RICTOR: variants seen among roughly 807,000 people sequenced by gnomAD.
RICTOR encodes RPTOR independent companion of MTOR complex 2, also known as rapamycin-insensitive companion of mTOR.
RICTOR carries 49 observed loss-of-function variants against 214.9 expected under a neutral mutation model. The ratio of observed to expected loss-of-function variants is 0.23; its 90% CI spans 0.18 to 0.29. RICTOR has a LOEUF of 0.29. RICTOR is among the 10% of genes least tolerant of loss of function. The pLI, the probability that RICTOR is intolerant of heterozygous loss-of-function variation, is 1.00. For synonymous variants in RICTOR, 717 were observed against 711.3 expected, an observed-to-expected ratio of 1.01 and a Z score of -0.13; for missense variants, 1,625 against 2,047.0, an observed-to-expected ratio of 0.79 and a Z score of 3.98.
chr5:39,054,754 A>C (rs1360561138), intron 2 of RICTOR, among the ~76,000 whole-genome samples: 2 of 152,194 alleles, frequency 1.3e-5, no homozygotes, highest in African/African-American at 4.8e-5. Context: ...AGAATACTCT[A>C]TGTTATATAC....
chr5:38,987,627 G>A (rs769121791), intron 7 of RICTOR, among the ~76,000 whole-genome samples: 4 of 151,610 alleles, frequency 2.6e-5, no homozygotes, highest in South Asian at 2.1e-4. Context: ...TCTGGCTAGC[G>A]GTCTATTTTG....
At chr5:39,011,076 C>CT (rs1210649387) in intron 3 of RICTOR, among the ~76,000 whole-genome samples, 27 of 152,156 alleles carry the variant, frequency 1.8e-4, no homozygotes, top group African/African-American at 6.5e-4. Context: ...CCCCTCCCAT[C>CT]ACAGGCCCAG....
chr5:39,033,794 A>T (rs556188664), intron 2 of RICTOR, among the ~76,000 whole-genome samples: 1 of 152,296 alleles, frequency 6.6e-6, no homozygotes, highest in South Asian at 2.1e-4. Context: ...CATGCAACTT[A>T]ACCATATAAC....
intron 7 of RICTOR, among the ~76,000 whole-genome samples, chr5:38,986,466 G>A (rs1011618668): frequency 6.6e-6 from 1 of 152,106 alleles, no homozygotes; most frequent in Non-Finnish European, 1.5e-5. Flanking sequence ...CTGGAATTTA[G>A]ACAATTCCTA....
At position 38,980,761 on chromosome 5, in the gene RICTOR, G is replaced by A. The variant is rs117231108; in HGVS notation, c.753+1106C>T. 7.0e-3 allele frequency: 1,059 copies of A among 152,280 alleles called. 53 individuals carry two copies. In the East Asian group the frequency reaches 0.12, roughly 18 times the overall value. 9.4% of individuals were successfully genotyped at this position (152,280 alleles called of 1,614,324 possible). A position where few individuals can be genotyped will look rare whatever the true frequency, so the allele number is the denominator to read the frequency against. On this transcript the variant is annotated intron_variant, in intron 8 of 37. Transcript: ENST00000357387. Reference sequence around the variant, plus strand: ...CTCAGGAGGTTGACATGGAAGGATCGATTGAGTGCGGGAGGTCCAGGCTGC... The same window carrying A: ...CTCAGGAGGTTGACATGGAAGGATCAATTGAGTGCGGGAGGTCCAGGCTGC...
intron 7 of RICTOR, among the ~76,000 whole-genome samples, chr5:38,982,337 T>G (rs915562734): frequency 8.5e-5 from 13 of 152,196 alleles, no homozygotes; most frequent in Non-Finnish European, 1.0e-4. Context: ...TATTAGCCAT[T>G]TATCTGTCTC....
In RICTOR at chr5:38,940,839, C is replaced by G. The variant is rs1380208574; in HGVS notation, c.*1465G>C. 4.3e-6 allele frequency: 1 copy of G among 231,934 alleles called. No individual in the cohort carries two copies. The allele number at this position is 231,934 out of a possible 1,614,324, so 14.4% of individuals were successfully genotyped here. Reference sequence around the variant, plus strand: ...GGTTCTTTACAGAGATCTCAAAGAACAAGCCCATTACAAAAAGGATCTGCA... The same window carrying G: ...GGTTCTTTACAGAGATCTCAAAGAAGAAGCCCATTACAAAAAGGATCTGCA... On this transcript the variant is annotated 3_prime_UTR_variant, in exon 38 of 38. Transcript: ENST00000357387.
intron 33 of RICTOR, 118 bp from the exon 34 acceptor site, chr5:38,945,842 G>A: frequency 9.5e-6 from 5 of 526,708 alleles, no homozygotes; most frequent in South Asian, 3.4e-5. Context: ...AATCTAACTG[G>A]AAAGAAAAAA....
chr5:38,974,944 G>A (rs1346965853), intron 10 of RICTOR, among the ~76,000 whole-genome samples: 1 of 152,178 alleles, frequency 6.6e-6, no homozygotes. Context: ...CAAGAAGGAA[G>A]AAGATAATCA....
chr5:38,975,549 G>A lies in RICTOR; in HGVS notation c.877C>T (p.Arg293Ter), dbSNP rs574846919. ...ASKMGIIATF[R>*]SWAGIINLCK... ...TAGAGTAACCTACCTGCCCATGATCGGAATGTTGCTATGATTCCCATTTTA... is the reference window on the plus strand; with the variant it reads ...TAGAGTAACCTACCTGCCCATGATCAGAATGTTGCTATGATTCCCATTTTA... Residue 293 changes from arginine (R) to a stop codon, truncating the protein, a stop_gained, in exon 10 of 38, where the codon CGA (arginine) becomes TGA (stop). Transcript: ENST00000357387. LOFTEE classifies it high-confidence loss of function. The A allele has an allele frequency of 1.2e-6, 2 of 1,612,686 alleles. No homozygotes were observed. The highest frequency in any genetic ancestry group is 8.5e-7 in the Non-Finnish European group (1 of 1,178,966).
At chr5:38,983,868 G>C (rs1751931662) in intron 7 of RICTOR, among the ~76,000 whole-genome samples, 1 of 152,186 alleles carries the variant, frequency 6.6e-6, no homozygotes, top group African/African-American at 2.4e-5. Flanking sequence ...GGGAGGCTGA[G>C]GCAGGAGAAT....
chr5:39,050,299 T>C (rs142374376), intron 2 of RICTOR, among the ~76,000 whole-genome samples: 2 of 152,102 alleles, frequency 1.3e-5, no homozygotes, highest in African/African-American at 2.4e-5. Flanking sequence ...GACTGAATAT[T>C]AGATAATACA....
intron 33 of RICTOR, 21 bp downstream of exon 33, chr5:38,946,447 G>A (rs2112821144): frequency 6.8e-7 from 1 of 1,479,264 alleles, no homozygotes; most frequent in East Asian, 2.3e-5. Flanking sequence ...CATCTCACAA[G>A]TACAATGCAC....
In RICTOR at chr5:38,950,074, C is replaced by T. The variant is rs1190150874; in HGVS notation, c.3774G>A (p.Val1258=). The change falls in exon 31 of 38, where the codon GTG becomes GTA. Residue 1258 remains valine (V), a synonymous_variant. Coordinates refer to ENST00000357387, the MANE Select transcript of RICTOR (RefSeq NM_152756.5). ...TTGTCTTAATAGTTTTAGTACTTAC[C>T]ACAGTACTCATGCTTCCACAGTCTG... The part of the protein sequence containing the change: ...MDTDCGSMST[V]VSTKTIKTSH... 6.2e-7 allele frequency: 1 copy of T among 1,612,548 alleles called. No homozygotes were observed. The highest frequency in any genetic ancestry group is 8.5e-7 in the Non-Finnish European group (1 of 1,179,270).
chr5:39,016,289 A>G (rs1754938852), intron 3 of RICTOR, among the ~76,000 whole-genome samples: 1 of 149,150 alleles, frequency 6.7e-6, no homozygotes, highest in African/African-American at 2.4e-5. Context: ...TGCATACTCT[A>G]CAGTGGTACA....
At position 38,990,545 on chromosome 5, in the gene RICTOR, C is replaced by T. The variant is rs62359804; in HGVS notation, c.583+404G>A. Among the ~76,000 whole-genome samples, 184 of 72,050 alleles carry T rather than the reference C, an allele frequency of 2.6e-3. 1 individual carries two copies. The highest frequency in any genetic ancestry group is 0.016 in the Middle Eastern group (2 of 124). The allele number at this position is 72,050 out of a possible 152,430, so 47.3% of individuals were successfully genotyped here. A position where few individuals can be genotyped will look rare whatever the true frequency, so the allele number is the denominator to read the frequency against. On this transcript the variant is annotated intron_variant, in intron 7 of 37. Coordinates refer to ENST00000357387, the MANE Select transcript of RICTOR (RefSeq NM_152756.5). The stretch of plus-strand genomic sequence containing the variant: ...ATATACGATATATATACGATATATA[C>T]ACGATATACACGATATATACACGAT...
chr5:39,057,188 G>A (rs1285045124), intron 2 of RICTOR, among the ~76,000 whole-genome samples: 1 of 152,014 alleles, frequency 6.6e-6, no homozygotes, highest in East Asian at 1.9e-4. Context: ...CAATTTGAAG[G>A]ACTAATAATA....
intron 27 of RICTOR, 149 bp from the exon 28 acceptor site, chr5:38,953,702 G>A (rs1409681806): frequency 3.0e-5 from 10 of 331,062 alleles, no homozygotes; most frequent in Non-Finnish European, 5.5e-5. Context: ...TTCTTGAGAA[G>A]CAGCATAGGG....
intron 2 of RICTOR, among the ~76,000 whole-genome samples, chr5:39,023,150 C>T (rs1755559463): frequency 3.3e-5 from 5 of 151,506 alleles, no homozygotes; most frequent in Admixed American, 3.3e-4. Context: ...CGGCGGATTT[C>T]TTATCCAAAA....
Sources: allele counts gnomAD v4.1 joint callset (sites outside exome capture counted in the v4.1 genomes callset), GRCh38; gene constraint gnomAD v4.1.1; transcripts MANE v1.5; gene names NCBI Gene and HGNC (gene_info 2026-07-23, HGNC 2026-07-21).